GFM2: variants seen among roughly 807,000 people sequenced by gnomAD.
The protein encoded by GFM2 is GTP dependent ribosome recycling factor mitochondrial 2.
In GFM2, 72 loss-of-function variants were observed where a neutral mutation model predicts 95.4. The observed-to-expected ratio is 0.76, with a 90% confidence interval of 0.62 to 0.92. The LOEUF (loss-of-function observed/expected upper bound fraction) is 0.92, where lower values mean the gene tolerates loss of function less well. Ranked by LOEUF, GFM2 falls within the 40% of genes least tolerant of loss-of-function variation. GFM2 has a pLI of 0.00. For synonymous variants in GFM2, 276 were observed against 317.5 expected, an observed-to-expected ratio of 0.87 and a Z score of 1.39; for missense variants, 825 against 924.1, an observed-to-expected ratio of 0.89 and a Z score of 1.39.
chr5:74,743,300 C>T (rs1743204683), intron 10 of GFM2, among the ~76,000 whole-genome samples: 1 of 152,004 alleles, frequency 6.6e-6, no homozygotes, highest in Admixed American at 6.6e-5. Context: ...AATATAGTAA[C>T]TCCATATTTA....
At chr5:74,740,935 C>T (rs1180309390) in intron 11 of GFM2, among the ~76,000 whole-genome samples, 5 of 152,044 alleles carry the variant, frequency 3.3e-5, no homozygotes, top group Admixed American at 2.0e-4. Flanking sequence ...GCAACTCTTA[C>T]GTTTCATAAA....
At chr5:74,754,305 G>GAA (rs3031208) in intron 5 of GFM2, among the ~76,000 whole-genome samples, 5 of 109,838 alleles carry the variant, frequency 4.6e-5, no homozygotes, top group Non-Finnish European at 1.0e-4. Flanking sequence ...ATAATACAAT[G>GAA]AAAAAAAAAA....
intron 19 of GFM2, among the ~76,000 whole-genome samples, chr5:74,723,026 G>C (rs889203985): frequency 8.6e-5 from 13 of 151,814 alleles, no homozygotes; most frequent in African/African-American, 3.1e-4. Flanking sequence ...AGGCCAAGAA[G>C]AACATGCATA....
intron 5 of GFM2, among the ~76,000 whole-genome samples, chr5:74,753,174 T>C (rs769471652): frequency 2.6e-5 from 4 of 152,166 alleles, no homozygotes; most frequent in Non-Finnish European, 5.9e-5. Flanking sequence ...TTACAGGATA[T>C]GAACGGAAAA....
intron 3 of GFM2, among the ~76,000 whole-genome samples, chr5:74,760,544 T>C (rs375714849): frequency 1.3e-5 from 2 of 152,188 alleles, no homozygotes; most frequent in East Asian, 3.8e-4. Context: ...TAAATTATTC[T>C]AGTAAATCTC....
chr5:74,759,477 T>C (rs1418740487), intron 3 of GFM2, 51 bp from the exon 4 acceptor site: 2 of 975,596 alleles, frequency 2.1e-6, no homozygotes, highest in East Asian at 4.9e-5. Context: ...AAATTTTCCT[T>C]TAATTTATAA....
At chr5:74,760,184 G>A (rs1052959072) in intron 3 of GFM2, among the ~76,000 whole-genome samples, 2 of 152,050 alleles carry the variant, frequency 1.3e-5, no homozygotes, top group African/African-American at 4.8e-5. Flanking sequence ...GAAACTTCAT[G>A]GTGGTTTGAA....
intron 7 of GFM2, among the ~76,000 whole-genome samples, chr5:74,749,011 T>C (rs1229514821): frequency 6.6e-6 from 1 of 151,196 alleles, no homozygotes; most frequent in Non-Finnish European, 1.5e-5. Flanking sequence ...TATTTTGCAG[T>C]CTTTTTAATT....
chr5:74,721,270 A>G lies in GFM2; in HGVS notation c.*385T>C. 1 of 1,037,868 alleles carries G rather than the reference A, an allele frequency of 9.6e-7. No individual in the cohort carries two copies. The highest frequency in any genetic ancestry group is 1.5e-6 in the Non-Finnish European group (1 of 667,026). The allele number at this position is 1,037,868 out of a possible 1,614,324, so 64.3% of individuals were successfully genotyped here. ...AGATATTAGACTGTTTTTTGAATAA[A>G]ATATTTTTATTGATTGAACCTTTGA... On this transcript the variant is annotated 3_prime_UTR_variant, in exon 21 of 21. Coordinates refer to ENST00000296805, the MANE Select transcript of GFM2 (RefSeq NM_032380.5).
rs575922707 is a variant in GFM2 at position 74,745,683 on chromosome 5, C to T, written c.844G>A (p.Glu282Lys). Residue 282 changes from glutamate (E) to lysine (K), a missense_variant, in exon 10 of 21, where the codon GAA becomes AAA. Transcript: ENST00000296805. ...TATCATTCATTATACTTTACTTGTT[C>T]AATTAAGGCATTCCTTGCTTCAGTT... ...ETTEARNALI[E>K]QVADLDDEFA... The T allele has an allele frequency of 1.3e-4, 202 of 1,608,480 alleles. No individual in the cohort carries two copies. The East Asian group carries it at 4.5e-3, about 36-fold the overall frequency.
At chr5:74,748,402 C>CA (rs1436204258) in intron 7 of GFM2, among the ~76,000 whole-genome samples, 4 of 152,212 alleles carry the variant, frequency 2.6e-5, no homozygotes, top group African/African-American at 4.8e-5. Context: ...AAATTTTTCT[C>CA]ATCCCTGTCT....
chr5:74,761,898 C>T (rs1323448939), intron 2 of GFM2, among the ~76,000 whole-genome samples: 3 of 152,116 alleles, frequency 2.0e-5, no homozygotes, highest in Non-Finnish European at 2.9e-5. Flanking sequence ...CGTATCTGTG[C>T]GATCTATATT....
intron 2 of GFM2, 28 bp downstream of exon 2, chr5:74,763,652 G>C: frequency 7.5e-7 from 1 of 1,331,118 alleles, no homozygotes; most frequent in Non-Finnish European, 1.1e-6. Flanking sequence ...GTTGTTAAAG[G>C]ACACTTAATT....
At position 74,721,758 on chromosome 5, in the gene GFM2, A is replaced by G; in HGVS notation, c.2237T>C (p.Leu746Pro). ...GGCAAAAGTAGCTGAGCCTGATGTT[A>G]GCGTTCGAAGCACAGTTGAATAACC... The part of the protein sequence containing the change: ...IMGYSTVLRT[L>P]TSGSATFALE... The change falls in exon 21 of 21, where the codon CTA becomes CCA. Residue 746 changes from leucine to proline, a missense_variant. Physicochemically the swap from Leu to Pro is moderately conservative, Grantham distance 98. Transcript: ENST00000296805. The G allele has an allele frequency of 2.5e-6, 4 of 1,613,244 alleles. No homozygotes were observed. Among genetic ancestry groups the G allele is most frequent in the Non-Finnish European group, 3.4e-6 (4 of 1,179,624 alleles).
At chr5:74,757,778 C>G (rs1395286441) in intron 5 of GFM2, among the ~76,000 whole-genome samples, 1 of 148,060 alleles carries the variant, frequency 6.8e-6, no homozygotes, top group Admixed American at 6.7e-5. Context: ...AAAAAGGAAT[C>G]TTGACACATG....
Position 74,721,620 on chromosome 5 carries a change from G to GTTCTTACTGAAAATGAAGTAGCTAT in GFM2, c.*34_*35insATAGCTACTTCATTTTCAGTAAGAA. 1 of 1,597,836 alleles carries GTTCTTACTGAAAATGAAGTAGCTAT rather than the reference G, an allele frequency of 6.3e-7. No homozygotes were observed. Among genetic ancestry groups the GTTCTTACTGAAAATGAAGTAGCTAT allele is most frequent in the Non-Finnish European group, 8.5e-7 (1 of 1,171,996 alleles). ...GTTCTTACTGAAAATGAAGTAGCTA[G>GTTCTTACTGAAAATGAAGTAGCTAT]GTGCTCCTGAATTTCTCTCCAAAAA... On this transcript the variant is annotated 3_prime_UTR_variant, in exon 21 of 21. Transcript: ENST00000296805.
intron 19 of GFM2, among the ~76,000 whole-genome samples, chr5:74,722,802 C>T (rs1749973387): frequency 6.6e-6 from 1 of 152,090 alleles, no homozygotes; most frequent in African/African-American, 2.4e-5. Flanking sequence ...AACATGTGGT[C>T]AGAGTCACAG....
rs1205207808 is a variant in GFM2 at position 74,738,582 on chromosome 5, T to C, written c.1140A>G (p.Arg380=). The C allele has an allele frequency of 6.2e-7, 1 of 1,613,752 alleles. No individual in the cohort carries two copies. The highest frequency in any genetic ancestry group is 8.5e-7 in the Non-Finnish European group (1 of 1,179,740). ...LAFKVLHDKQ[R]GPLVFMRIYS... is the part of the protein sequence containing the mutation. Reference sequence around the variant, plus strand: ...AAATGCGCATAAAAACCAGTGGTCCTCGCTGCTTGTCATGGAGAACTTTAA... The same window carrying C: ...AAATGCGCATAAAAACCAGTGGTCCCCGCTGCTTGTCATGGAGAACTTTAA... Residue 380 remains arginine (R), a synonymous_variant, in exon 13 of 21, where the codon CGA becomes CGG. Coordinates refer to ENST00000296805, the MANE Select transcript of GFM2 (RefSeq NM_032380.5).
At chr5:74,732,085 G>A (rs991362495) in intron 16 of GFM2, among the ~76,000 whole-genome samples, 4 of 149,574 alleles carry the variant, frequency 2.7e-5, no homozygotes, top group Admixed American at 6.7e-5. Flanking sequence ...ATCCTGAGTC[G>A]CTGGGACCAC....
Sources: allele counts gnomAD v4.1 joint callset (sites outside exome capture counted in the v4.1 genomes callset), GRCh38; gene constraint gnomAD v4.1.1; transcripts MANE v1.5; gene names NCBI Gene and HGNC (gene_info 2026-07-23, HGNC 2026-07-21).